RBBP8: variants seen among roughly 807,000 people sequenced by gnomAD.
RBBP8 encodes the protein RB binding protein 8, endonuclease.
RBBP8 carries 88 observed loss-of-function variants against 108.3 expected under a neutral mutation model. The observed-to-expected ratio is 0.81, with a 90% CI of 0.68 to 0.97. The LOEUF is 0.97. RBBP8 is among the 50% of genes least tolerant of loss of function. The pLI is 0.00. For missense variants in RBBP8, 1,023 were observed against 1,049.0 expected, an observed-to-expected ratio of 0.98 and a Z score of 0.34; for synonymous variants, 332 against 348.2, an observed-to-expected ratio of 0.95 and a Z score of 0.52.
intron 16 of RBBP8, 50 bp downstream of exon 16, chr18:23,006,482 G>A (rs1462237461): frequency 1.4e-6 from 2 of 1,392,964 alleles, no homozygotes; most frequent in Admixed American, 1.7e-5. Flanking sequence ...GTACAATAGA[G>A]CTGTCTTTTA....
intron 4 of RBBP8, among the ~76,000 whole-genome samples, chr18:22,967,234 C>T (rs908766417): frequency 4.6e-5 from 7 of 151,720 alleles, no homozygotes; most frequent in African/African-American, 1.2e-4. Flanking sequence ...GGAGAGGTGG[C>T]GGGCACCGGT....
intron 3 of RBBP8, chr18:22,920,685 A>G (rs1440477047): frequency 6.6e-6 from 1 of 152,214 alleles, no homozygotes; most frequent in African/African-American, 2.4e-5. Flanking sequence ...TTATGTAGCT[A>G]ATAATACCCA....
rs773219541 is a variant in RBBP8 at position 22,993,836 on chromosome 18, A to AAT, written c.1929_1930insTA (p.Asn644Ter). On this transcript the variant is annotated frameshift_variant, in exon 12 of 19. Coordinates refer to ENST00000327155, the MANE Select transcript of RBBP8 (RefSeq NM_002894.3). LOFTEE classifies it high-confidence loss of function. ...AGAACTGGTAAAATAAAGTCTCTAC[A>AAT]AAACAACCAAGGTGTGTACACCATA... 6.2e-7 allele frequency: 1 copy of AAT among 1,613,344 alleles called. No individual in the cohort carries two copies. Among genetic ancestry groups the AAT allele is most frequent in the Non-Finnish European group, 8.5e-7 (1 of 1,179,338 alleles).
intron 4 of RBBP8, among the ~76,000 whole-genome samples, chr18:22,953,853 G>A (rs1361222297): frequency 6.6e-6 from 1 of 152,034 alleles, no homozygotes; most frequent in Non-Finnish European, 1.5e-5. Flanking sequence ...GTTCTGCAGA[G>A]CTGGGGAGGC....
At chr18:23,020,703 C>T (rs2046334286) in intron 17 of RBBP8, among the ~76,000 whole-genome samples, 1 of 152,074 alleles carries the variant, frequency 6.6e-6, no homozygotes, top group South Asian at 2.1e-4. Flanking sequence ...TTATCAAGGA[C>T]AACAAACTCT....
intron 12 of RBBP8, 67 bp from the exon 13 acceptor site, chr18:22,996,307 A>C: frequency 6.3e-7 from 1 of 1,593,140 alleles, no homozygotes; most frequent in Non-Finnish European, 8.5e-7. Context: ...AGGTCCCATA[A>C]TATTTTAAAG....
At chr18:22,951,801 A>G (rs1338014883) in intron 4 of RBBP8, among the ~76,000 whole-genome samples, 1 of 152,222 alleles carries the variant, frequency 6.6e-6, no homozygotes, top group East Asian at 1.9e-4. Context: ...TCAGGAAAAC[A>G]TTTATATTTA....
intron 2 of RBBP8, among the ~76,000 whole-genome samples, chr18:22,940,621 A>G (rs1052192607): frequency 6.6e-6 from 1 of 151,806 alleles, no homozygotes; most frequent in Non-Finnish European, 1.5e-5. Flanking sequence ...CGCCCGGTCT[A>G]TATTTCTTTT....
chr18:23,017,965 C>T (rs1383924054), intron 17 of RBBP8, among the ~76,000 whole-genome samples: 4 of 151,662 alleles, frequency 2.6e-5, no homozygotes, highest in South Asian at 2.1e-4. Context: ...AGGCTGGTCT[C>T]GAACTCCTGA....
At chr18:23,023,886 T>TTC (rs1555650449) in intron 18 of RBBP8, among the ~76,000 whole-genome samples, 3 of 143,164 alleles carry the variant, frequency 2.1e-5, no homozygotes, top group Non-Finnish European at 1.5e-5. Flanking sequence ...TTTTTTTTTT[T>TTC]TTTTGAGATG....
At chr18:22,997,362 T>A (rs947378707) in intron 13 of RBBP8, among the ~76,000 whole-genome samples, 1 of 152,186 alleles carries the variant, frequency 6.6e-6, no homozygotes. Context: ...CAGGGGTGTT[T>A]AGTGGTAAAT....
Position 22,996,372 on chromosome 18 carries a change from A to C in RBBP8, c.1940-2A>C, listed in dbSNP as rs1308682236. 1 of 1,613,452 alleles carries C rather than the reference A, an allele frequency of 6.2e-7. No individual in the cohort carries two copies. Among genetic ancestry groups the C allele is most frequent in the South Asian group, 1.1e-5 (1 of 91,062 alleles). On this transcript the variant is annotated splice_acceptor_variant, in intron 12 of 18. Transcript: ENST00000327155. LOFTEE classifies it high-confidence loss of function. ...ATTGCATGCTCTTTCCCTTTACCTA[A>C]GATGTATCCTTTGAAAATATCCAGT... is the stretch of plus-strand genomic sequence containing the variant.
intron 3 of RBBP8, among the ~76,000 whole-genome samples, chr18:22,925,633 C>A (rs1224385476): frequency 6.6e-6 from 1 of 152,120 alleles, no homozygotes; most frequent in African/African-American, 2.4e-5. Context: ...GTTTAAGATG[C>A]GATGATTTTT....
At chr18:22,946,348 A>G in intron 2 of RBBP8, 96 bp from the exon 3 acceptor site, 1 of 1,532,288 alleles carries the variant, frequency 6.5e-7, no homozygotes, top group Non-Finnish European at 8.9e-7. Flanking sequence ...GACCTGGTTT[A>G]TTATTTAGAG....
chr18:22,929,648 T>C (rs1909948680), upstream of RBBP8, among the ~76,000 whole-genome samples: 2 of 152,004 alleles, frequency 1.3e-5, 1 homozygote, highest in South Asian at 4.1e-4. Flanking sequence ...TCCCACAGCG[T>C]TGAGGTTACA....
upstream of RBBP8, among the ~76,000 whole-genome samples, chr18:22,931,719 G>A (rs893784700): frequency 4.6e-5 from 7 of 152,054 alleles, no homozygotes; most frequent in African/African-American, 1.4e-4. Flanking sequence ...ATGGGACAGC[G>A]AGCTTAAGCA....
chr18:22,992,703 T>A, intron 10 of RBBP8, 45 bp from the exon 11 acceptor site: 1 of 1,510,812 alleles, frequency 6.6e-7, no homozygotes, highest in Non-Finnish European at 9.2e-7. Flanking sequence ...GATAAGACCT[T>A]ACTATTAATT....
At chr18:22,982,521 G>A in intron 7 of RBBP8, 128 bp downstream of exon 7, 1 of 1,531,600 alleles carries the variant, frequency 6.5e-7, no homozygotes, top group Non-Finnish European at 8.8e-7. Flanking sequence ...ACAACTATGA[G>A]TTTAACTTCT....
intron 18 of RBBP8, among the ~76,000 whole-genome samples, chr18:23,025,775 G>C (rs1346085144): frequency 6.6e-6 from 1 of 152,150 alleles, no homozygotes; most frequent in Non-Finnish European, 1.5e-5. Flanking sequence ...TCTGGTTCTG[G>C]AATAAGAAAG....
Sources: allele counts gnomAD v4.1 joint callset (sites outside exome capture counted in the v4.1 genomes callset), GRCh38; gene constraint gnomAD v4.1.1; transcripts MANE v1.5; gene names NCBI Gene and HGNC (gene_info 2026-07-23, HGNC 2026-07-21).